ABCA12: variants seen among roughly 807,000 people sequenced by gnomAD.
ABCA12 encodes the protein ATP binding cassette subfamily A member 12.
Under a neutral mutation model 293.5 loss-of-function variants are expected in ABCA12, and 156 were observed. The observed-to-expected ratio is 0.53, with a 90% CI of 0.47 to 0.61. ABCA12 has a LOEUF of 0.61. ABCA12 is among the 20% of genes least tolerant of loss of function. ABCA12 has a pLI of 0.00. For missense variants in ABCA12, 2,797 were observed against 3,090.2 expected (o/e 0.91, Z 2.25); for synonymous variants, 1,063 against 1,108.0 (o/e 0.96, Z 0.81).
intron 50 of ABCA12, among the ~76,000 whole-genome samples, chr2:214,941,688 C>G (rs1417119275): frequency 1.3e-5 from 2 of 151,528 alleles, no homozygotes; most frequent in African/African-American, 4.8e-5. Context: ...GCATTGATCC[C>G]TTTACCATTA....
chr2:214,958,495 T>A (rs775732521), intron 40 of ABCA12, 41 bp from the exon 41 acceptor site: 1 of 1,597,886 alleles, frequency 6.3e-7, no homozygotes, highest in South Asian at 1.1e-5. Flanking sequence ...ACATAAGTTT[T>A]TGAAACTCTT....
intron 1 of ABCA12, among the ~76,000 whole-genome samples, chr2:215,131,299 A>G (rs1187298345): frequency 6.6e-6 from 1 of 151,884 alleles, no homozygotes; most frequent in East Asian, 1.9e-4. Context: ...GAATAGTTTC[A>G]CCAAGATTGG....
intron 10 of ABCA12, among the ~76,000 whole-genome samples, chr2:215,026,200 T>C (rs940983816): frequency 3.3e-5 from 5 of 152,210 alleles, no homozygotes; most frequent in African/African-American, 1.2e-4. Flanking sequence ...TGCTATTTGC[T>C]TGCCATTAAC....
chr2:214,989,187 C>CATGTATATATATATATATATATATATAT (rs1699854540), intron 26 of ABCA12, 142 bp downstream of exon 26: 1 of 28,016 alleles, frequency 3.6e-5, no homozygotes, highest in Admixed American at 7.5e-4. Flanking sequence ...TCAATACATA[C>CATGTATATATATATATATATATATATAT]ATATATATAT....
intron 50 of ABCA12, among the ~76,000 whole-genome samples, chr2:214,941,434 G>A (rs1023026084): frequency 1.3e-5 from 2 of 152,078 alleles, no homozygotes; most frequent in Admixed American, 6.6e-5. Flanking sequence ...TGTTGATTTC[G>A]GGTGGAGAGT....
At chr2:215,076,431 A>T (rs1701834835) in intron 2 of ABCA12, among the ~76,000 whole-genome samples, 1 of 152,148 alleles carries the variant, frequency 6.6e-6, no homozygotes, top group Non-Finnish European at 1.5e-5. Flanking sequence ...TTTTTTTCTG[A>T]AAAGAAAATA....
chr2:215,117,313 G>A (rs1004942780), intron 1 of ABCA12, among the ~76,000 whole-genome samples: 5 of 152,158 alleles, frequency 3.3e-5, no homozygotes, highest in African/African-American at 1.2e-4. Context: ...TGCAAGTGTT[G>A]AGGTTTGGAG....
At chr2:214,968,677 C>A (rs1185531869) in intron 38 of ABCA12, 43 bp downstream of exon 38, 4 of 1,565,260 alleles carry the variant, frequency 2.6e-6, no homozygotes, top group Non-Finnish European at 3.5e-6. Flanking sequence ...TCAATTTCAC[C>A]TTCTCATTTG....
intron 50 of ABCA12, among the ~76,000 whole-genome samples, chr2:214,939,167 G>A (rs1009028569): frequency 8.6e-5 from 13 of 151,932 alleles, no homozygotes; most frequent in Admixed American, 6.6e-4. Flanking sequence ...GTCCAGTTTC[G>A]GTTTTCTGCA....
intron 1 of ABCA12, among the ~76,000 whole-genome samples, chr2:215,136,228 C>T (rs1703223718): frequency 6.6e-6 from 1 of 152,120 alleles, no homozygotes; most frequent in Admixed American, 6.5e-5. Flanking sequence ...GGGGTTTTGA[C>T]TAGATGGGAA....
intron 4 of ABCA12, among the ~76,000 whole-genome samples, chr2:215,054,283 G>A (rs778000191): frequency 3.3e-5 from 5 of 151,950 alleles, no homozygotes; most frequent in Non-Finnish European, 5.9e-5. Context: ...TCATCTAATT[G>A]CAGACAACTA....
intron 42 of ABCA12, among the ~76,000 whole-genome samples, chr2:214,955,720 T>C (rs965299255): frequency 2.6e-5 from 4 of 152,168 alleles, no homozygotes; most frequent in Non-Finnish European, 5.9e-5. Context: ...TAGATGGGCT[T>C]CCAAAGTAAA....
At chr2:215,082,194 G>A (rs539847483) in intron 2 of ABCA12, among the ~76,000 whole-genome samples, 37 of 151,526 alleles carry the variant, frequency 2.4e-4, no homozygotes, top group African/African-American at 5.8e-4. Context: ...ACAGGTGCCC[G>A]CCACCGTGCC....
Position 215,012,013 on chromosome 2 carries a change from G to A in ABCA12, c.2079C>T (p.Ser693=), listed in dbSNP as rs1574981932. ...TTCTGGGCAGATGCATTTGCTTCAG[G>A]GATCTCATTTTGTCTAGCAGCGGAT... The part of the protein sequence containing the change: ...GTHPLLDKMR[S]LKQMHLPRSV... The change falls in exon 16 of 53, where the codon TCC becomes TCT. Residue 693 remains serine (S), a synonymous_variant. Transcript: ENST00000272895. The A allele has an allele frequency of 1.2e-6, 2 of 1,613,870 alleles. No homozygotes were observed. Among genetic ancestry groups the A allele is most frequent in the African/African-American group, 1.3e-5 (1 of 74,988 alleles).
chr2:214,946,677 C>T (rs113610009), intron 48 of ABCA12, among the ~76,000 whole-genome samples: 1 of 152,056 alleles, frequency 6.6e-6, no homozygotes, highest in Admixed American at 6.6e-5. Context: ...AGTTAAGGCT[C>T]TTTCAGAGTT....
At chr2:214,991,382 G>A (rs1318664813) in intron 23 of ABCA12, among the ~76,000 whole-genome samples, 1 of 152,116 alleles carries the variant, frequency 6.6e-6, no homozygotes. Context: ...AATTTTACAT[G>A]ATTTTGACAT....
intron 9 of ABCA12, 123 bp downstream of exon 9, chr2:215,031,698 A>T: frequency 8.4e-7 from 1 of 1,183,992 alleles, no homozygotes; most frequent in Non-Finnish European, 1.2e-6. Context: ...TCCTCTGCTC[A>T]GTCAATAGTT....
intron 49 of ABCA12, among the ~76,000 whole-genome samples, chr2:214,943,302 TATTTTA>T (rs1484461915): frequency 2.0e-5 from 3 of 151,656 alleles, no homozygotes; most frequent in East Asian, 3.9e-4. Flanking sequence ...ATCTGGCTAA[TATTTTA>T]ATTTTAATTT....
At position 214,983,698 on chromosome 2, in the gene ABCA12, G is replaced by C; in HGVS notation, c.4331C>G (p.Ser1444Cys). 1 of 1,613,982 alleles carries C rather than the reference G, an allele frequency of 6.2e-7. No individual in the cohort carries two copies. Among genetic ancestry groups the C allele is most frequent in the Non-Finnish European group, 8.5e-7 (1 of 1,179,972 alleles). ...TTTAGTCCAGTGAGGAACTTTGATG[G>C]AACCATATAGGAGAAGGTGCTCCTT... Reference protein sequence around the residue: ...TTKEHLLLYGSIKVPHWTKKQ... With the variant: ...TTKEHLLLYGCIKVPHWTKKQ... The change falls in exon 29 of 53, where the codon TCC becomes TGC. Residue 1444 changes from serine to cysteine, a missense_variant. Transcript: ENST00000272895.
Sources: allele counts gnomAD v4.1 joint callset (sites outside exome capture counted in the v4.1 genomes callset), GRCh38; gene constraint gnomAD v4.1.1; transcripts MANE v1.5; gene names NCBI Gene and HGNC (gene_info 2026-07-23, HGNC 2026-07-21).